Variants in TMEM135 observed in about 807,000 individuals in gnomAD.
TMEM135 encodes the protein peroxisomal membrane protein 52.
TMEM135 carries 30 observed loss-of-function variants against 60.3 expected under a neutral mutation model. The ratio of observed to expected loss-of-function variants is 0.50; its 90% confidence interval spans 0.37 to 0.68. The LOEUF (loss-of-function observed/expected upper bound fraction) is 0.68. Among genes scored for constraint, TMEM135 ranks in the 30% least tolerant of loss-of-function variants. The probability of loss-of-function intolerance (pLI) is 0.00; values close to 1 mark genes in which losing one functional copy is unlikely to be tolerated. For missense variants in TMEM135, 468 were observed against 548.8 expected, an observed-to-expected ratio of 0.85 and a Z score of 1.47; for synonymous variants, 190 against 186.7, an observed-to-expected ratio of 1.02 and a Z score of -0.14.
intron 6 of TMEM135, among the ~76,000 whole-genome samples, chr11:87,253,222 C>T (rs1941456170): frequency 6.6e-6 from 1 of 152,008 alleles, no homozygotes; most frequent in African/African-American, 2.4e-5. Context: ...TAGTTGTGCC[C>T]AGATAGTTAC....
intron 6 of TMEM135, among the ~76,000 whole-genome samples, chr11:87,293,075 T>G (rs1942293018): frequency 6.6e-6 from 1 of 152,214 alleles, no homozygotes; most frequent in Non-Finnish European, 1.5e-5. Context: ...GTCTACTGCT[T>G]TCTGTTTTCC....
chr11:87,326,911 CTTTTTTTTT>C lies in TMEM135; in HGVS notation c.*5589_*5597del. ...AGGCATCATTGAATCATCTGAGGAC[CTTTTTTTTT>C]TTTTTTTTTTCACTAAAACGCTTCC... On this transcript the variant is annotated 3_prime_UTR_variant, in exon 15 of 15. Transcript: ENST00000305494. 7.7e-6 allele frequency: 3 copies of C among 391,614 alleles called. No homozygotes were observed. The highest frequency in any genetic ancestry group is 5.4e-5 in the South Asian group (3 of 55,126). The allele number at this position is 391,614 out of a possible 1,614,324, so 24.3% of individuals were successfully genotyped here.
At chr11:87,090,715 G>A (rs970523666) in intron 3 of TMEM135, among the ~76,000 whole-genome samples, 1 of 152,040 alleles carries the variant, frequency 6.6e-6, no homozygotes, top group African/African-American at 2.4e-5. Flanking sequence ...GAAAAAAGTT[G>A]TTATGTTTGA....
intron 4 of TMEM135, among the ~76,000 whole-genome samples, chr11:87,106,388 G>A (rs1323916280): frequency 6.6e-6 from 1 of 152,140 alleles, no homozygotes; most frequent in East Asian, 1.9e-4. Flanking sequence ...ACAAGCATGA[G>A]CCACTGCACC....
At chr11:87,124,076 T>C (rs1224535894) in intron 4 of TMEM135, among the ~76,000 whole-genome samples, 1 of 152,236 alleles carries the variant, frequency 6.6e-6, no homozygotes, top group Non-Finnish European at 1.5e-5. Context: ...AGGTCTATAA[T>C]CCTTAATCTC....
In TMEM135 at chr11:87,050,514, C is replaced by T. The variant is rs1250470243; in HGVS notation, c.141+12328C>T. 9.3e-4 allele frequency among the ~76,000 whole-genome samples: 51 copies of T among 54,802 alleles called. 1 individual carries two copies. The highest frequency in any genetic ancestry group is 4.7e-3 in the East Asian group (4 of 858). 36.0% of individuals were successfully genotyped at this position (54,802 alleles called of 152,430 possible). A position where few individuals can be genotyped will look rare whatever the true frequency, so the allele number is the denominator to read the frequency against. On this transcript the variant is annotated intron_variant, in intron 1 of 14. Coordinates refer to ENST00000305494, the MANE Select transcript of TMEM135 (RefSeq NM_022918.4). ...ACCGATCCCACAGAAATACAAACTA[C>T]CATCAGAGAATACTACAAACACCTC...
At chr11:87,103,162 G>A (rs1161419113) in intron 4 of TMEM135, among the ~76,000 whole-genome samples, 2 of 152,278 alleles carry the variant, frequency 1.3e-5, no homozygotes, top group Middle Eastern at 3.4e-3. Context: ...TTGACATACC[G>A]ATTTCACTTT....
chr11:87,167,887 C>G (rs535534220), intron 5 of TMEM135, among the ~76,000 whole-genome samples: 1 of 152,250 alleles, frequency 6.6e-6, no homozygotes, highest in East Asian at 1.9e-4. Context: ...AGGAATAGTA[C>G]GAGCTCCTCT....
rs185598771 is a variant in TMEM135, at chr11:87,169,552, C to T, written c.462+12146C>T. On this transcript the variant is annotated intron_variant, in intron 5 of 14. Transcript: ENST00000305494. Reference sequence around the variant, plus strand: ...TCTGTAAAGGATTTTATTTCTTTTTCGCTTATGAAGCTTAGTTTGGTTGGA... The same window carrying T: ...TCTGTAAAGGATTTTATTTCTTTTTTGCTTATGAAGCTTAGTTTGGTTGGA... Among the ~76,000 whole-genome samples the T allele has an allele frequency of 1.1e-3, 166 of 151,948 alleles. 2 individuals carry two copies. Among genetic ancestry groups the T allele is most frequent in the Admixed American group, 2.2e-3 (33 of 15,244 alleles).
intron 8 of TMEM135, among the ~76,000 whole-genome samples, chr11:87,304,344 C>T (rs1008738578): frequency 4.6e-5 from 7 of 152,060 alleles, no homozygotes; most frequent in Admixed American, 3.3e-4. Context: ...CATGCCAATG[C>T]ACTCCAGCTT....
chr11:87,159,762 T>C (rs1367356173), intron 5 of TMEM135, among the ~76,000 whole-genome samples: 1 of 152,134 alleles, frequency 6.6e-6, no homozygotes, highest in East Asian at 1.9e-4. Flanking sequence ...GTGGAAATAG[T>C]TTAAGTTGAG....
intron 8 of TMEM135, among the ~76,000 whole-genome samples, chr11:87,303,645 G>A (rs927026748): frequency 6.6e-6 from 1 of 152,152 alleles, no homozygotes; most frequent in African/African-American, 2.4e-5. Flanking sequence ...AGCACAGGGA[G>A]CGTACTCAAA....
At chr11:87,304,907 C>T (rs1001681829) in intron 8 of TMEM135, among the ~76,000 whole-genome samples, 1 of 152,150 alleles carries the variant, frequency 6.6e-6, no homozygotes, top group South Asian at 2.1e-4. Flanking sequence ...TTTTTTATGC[C>T]TAAGGTGAAT....
chr11:87,309,435 TA>T, intron 9 of TMEM135, 69 bp from the exon 10 acceptor site: 1 of 1,528,142 alleles, frequency 6.5e-7, no homozygotes, highest in Non-Finnish European at 9.0e-7. Flanking sequence ...TTTGAGATGG[TA>T]AAATTCGTAT....
intron 6 of TMEM135, among the ~76,000 whole-genome samples, chr11:87,251,935 T>TA (rs1565503696): frequency 6.6e-6 from 1 of 152,104 alleles, no homozygotes; most frequent in African/African-American, 2.4e-5. Context: ...AAGTGAGAGG[T>TA]AAAAAGTCTT....
At chr11:87,046,443 T>G (rs1949797224) in intron 1 of TMEM135, among the ~76,000 whole-genome samples, 1 of 152,198 alleles carries the variant, frequency 6.6e-6, no homozygotes, top group South Asian at 2.1e-4. Context: ...GTTTTAAAGA[T>G]GTAAGTTCGA....
intron 7 of TMEM135, among the ~76,000 whole-genome samples, chr11:87,298,420 A>G (rs908192428): frequency 9.2e-5 from 14 of 152,176 alleles, no homozygotes; most frequent in Admixed American, 9.2e-4. Flanking sequence ...TTTATCCATA[A>G]AGGACAAATA....
At chr11:87,244,501 G>A (rs1213888919) in intron 6 of TMEM135, among the ~76,000 whole-genome samples, 1 of 95,312 alleles carries the variant, frequency 1.0e-5, no homozygotes, top group Non-Finnish European at 2.5e-5. Flanking sequence ...TGGTTGGTAA[G>A]CTATTGATTA....
intron 12 of TMEM135, among the ~76,000 whole-genome samples, chr11:87,316,193 C>T (rs1016867115): frequency 2.0e-5 from 3 of 151,790 alleles, no homozygotes; most frequent in African/African-American, 7.3e-5. Context: ...ACATTTGGAA[C>T]ATAGTGATAT....
Sources: gnomAD v4.1 joint callset for allele counts (sites outside exome capture counted in the v4.1 genomes callset) on GRCh38, gnomAD v4.1.1 for gene constraint, MANE v1.5 for transcripts, NCBI Gene and HGNC (gene_info 2026-07-23, HGNC 2026-07-21) for gene names.